PCDH9: variants seen among roughly 807,000 people sequenced by gnomAD.
The protein encoded by PCDH9 is protocadherin-9.
Under a neutral mutation model 70.6 loss-of-function variants are expected in PCDH9, and 24 were observed. That is an observed-to-expected ratio of 0.34 (90% confidence interval 0.25 to 0.48). The LOEUF is 0.48. Ranked by LOEUF, PCDH9 falls within the 20% of genes least tolerant of loss-of-function variation. PCDH9 has a pLI of 0.99. For missense variants in PCDH9, 1,281 were observed against 1,503.6 expected, an observed-to-expected ratio of 0.85 and a Z score of 2.45; for synonymous variants, 562 against 558.5, an observed-to-expected ratio of 1.01 and a Z score of -0.09.
intron 3 of PCDH9, among the ~76,000 whole-genome samples, chr13:66,685,461 A>C (rs541340402): frequency 6.6e-6 from 1 of 152,332 alleles, no homozygotes; most frequent in East Asian, 1.9e-4. Flanking sequence ...AGTTTGCTGC[A>C]GGGGTGGAGC....
chr13:66,439,155 A>G lies in PCDH9; in HGVS notation c.3341-134127T>C, dbSNP rs780000373. On this transcript the variant is annotated intron_variant, in intron 4 of 4. Coordinates refer to ENST00000377865, the MANE Select transcript of PCDH9 (RefSeq NM_203487.3). ...TCCCTTCATCTTTGTTAACACTCCT[A>G]TTGCCCGTTTCTAGCCCAATCTTGT... Among the ~76,000 whole-genome samples, 47 of 152,118 alleles carry G rather than the reference A, an allele frequency of 3.1e-4. 1 individual carries two copies. The highest frequency in any genetic ancestry group is 6.5e-4 in the Admixed American group (10 of 15,280).
At chr13:66,327,861 C>T (rs1955874673) in intron 4 of PCDH9, among the ~76,000 whole-genome samples, 2 of 152,218 alleles carry the variant, frequency 1.3e-5, no homozygotes, top group Non-Finnish European at 1.5e-5. Flanking sequence ...TATACTGTAT[C>T]TCCCCAGCTG....
At chr13:66,914,502 G>T (rs12875741) in intron 2 of PCDH9, 1 of 151,482 alleles carries the variant, frequency 6.6e-6, no homozygotes. Flanking sequence ...TAAAGAAACC[G>T]AAAGAGATTA....
At chr13:67,159,218 G>T (rs1411786078) in intron 2 of PCDH9, among the ~76,000 whole-genome samples, 3 of 152,158 alleles carry the variant, frequency 2.0e-5, no homozygotes, top group Non-Finnish European at 4.4e-5. Context: ...GTGACAGCCT[G>T]GATTTGACCG....
chr13:66,881,142 G>T (rs17081969), intron 3 of PCDH9, among the ~76,000 whole-genome samples: 4,864 of 152,278 alleles, frequency 0.032, 255 homozygotes, highest in African/African-American at 0.11. Flanking sequence ...ACTAAATGCA[G>T]TTAACTGAAC....
At chr13:67,180,954 C>T (rs530477560) in intron 2 of PCDH9, among the ~76,000 whole-genome samples, 4 of 152,058 alleles carry the variant, frequency 2.6e-5, no homozygotes, top group African/African-American at 4.8e-5. Flanking sequence ...TAAGCATTAT[C>T]GTTTATAAAG....
At chr13:66,921,981 CA>C (rs1438636609) in intron 2 of PCDH9, among the ~76,000 whole-genome samples, 1 of 151,116 alleles carries the variant, frequency 6.6e-6, no homozygotes, top group Admixed American at 6.6e-5. Context: ...GCTGAAAGAA[CA>C]AAAAAAGTTT....
At chr13:66,730,296 A>G (rs1255281183) in intron 3 of PCDH9, among the ~76,000 whole-genome samples, 1 of 152,126 alleles carries the variant, frequency 6.6e-6, no homozygotes, top group Non-Finnish European at 1.5e-5. Flanking sequence ...ACTTTTTCAT[A>G]GCATGTTTGC....
chr13:67,192,884 G>A (rs1392867327), intron 2 of PCDH9, among the ~76,000 whole-genome samples: 2 of 152,080 alleles, frequency 1.3e-5, no homozygotes, highest in East Asian at 1.9e-4. Context: ...GACAGTTCAC[G>A]TAAGATACTA....
chr13:66,604,742 T>C (rs963880587), intron 4 of PCDH9, among the ~76,000 whole-genome samples: 1 of 152,078 alleles, frequency 6.6e-6, no homozygotes, highest in Non-Finnish European at 1.5e-5. Context: ...ATCATAAATA[T>C]CTTTTCAACG....
At chr13:67,004,095 T>C (rs1365306642) in intron 2 of PCDH9, among the ~76,000 whole-genome samples, 1 of 152,158 alleles carries the variant, frequency 6.6e-6, no homozygotes, top group Non-Finnish European at 1.5e-5. Flanking sequence ...ATCAGGACTC[T>C]GATTTATTTA....
At chr13:66,385,444 C>T (rs1956912666) in intron 4 of PCDH9, among the ~76,000 whole-genome samples, 1 of 152,098 alleles carries the variant, frequency 6.6e-6, no homozygotes, top group African/African-American at 2.4e-5. Context: ...GTCTAGCCCG[C>T]CCTATCCTCC....
chr13:66,735,092 T>C (rs543219622), intron 3 of PCDH9, among the ~76,000 whole-genome samples: 63 of 152,316 alleles, frequency 4.1e-4, no homozygotes, highest in African/African-American at 1.5e-3. Flanking sequence ...AACCTCAAAA[T>C]ATTAGATAGT....
intron 3 of PCDH9, among the ~76,000 whole-genome samples, chr13:66,871,444 G>A (rs527263149): frequency 1.3e-5 from 2 of 148,900 alleles, no homozygotes; most frequent in South Asian, 4.3e-4. Flanking sequence ...AAAAATCAAA[G>A]TCCTGTTCAC....
intron 2 of PCDH9, among the ~76,000 whole-genome samples, chr13:67,131,462 T>C (rs1406877796): frequency 6.6e-6 from 1 of 152,182 alleles, no homozygotes; most frequent in African/African-American, 2.4e-5. Context: ...GATTAACATG[T>C]TATTTAATAT....
intron 2 of PCDH9, among the ~76,000 whole-genome samples, chr13:66,904,542 T>G (rs2082328699): frequency 6.6e-6 from 1 of 151,996 alleles, no homozygotes; most frequent in Admixed American, 6.6e-5. Flanking sequence ...GATATATACC[T>G]TTTCTTCTTA....
intron 3 of PCDH9, among the ~76,000 whole-genome samples, chr13:66,902,119 G>C: frequency 6.6e-6 from 1 of 151,538 alleles, no homozygotes; most frequent in East Asian, 1.9e-4. Context: ...ACACAGTGAA[G>C]AGGAAAAAAT....
At chr13:66,312,514 A>T (rs905859658) in intron 4 of PCDH9, among the ~76,000 whole-genome samples, 2 of 151,910 alleles carry the variant, frequency 1.3e-5, no homozygotes. Context: ...AGGGGAACTA[A>T]GGTGGAAGGA....
intron 3 of PCDH9, among the ~76,000 whole-genome samples, chr13:66,798,670 T>C (rs1429362034): frequency 1.3e-5 from 2 of 152,162 alleles, no homozygotes; most frequent in Non-Finnish European, 2.9e-5. Context: ...CTTCCCAATA[T>C]CAAACATCTT....
Sources: gnomAD v4.1 joint callset for allele counts (sites outside exome capture counted in the v4.1 genomes callset) on GRCh38, gnomAD v4.1.1 for gene constraint, MANE v1.5 for transcripts, NCBI Gene and HGNC (gene_info 2026-07-23, HGNC 2026-07-21) for gene names.